Variants in ZNF423 observed in about 807,000 individuals in gnomAD.
ZNF423 encodes Ebf-associated zinc finger protein.
Under a neutral mutation model 95.8 loss-of-function variants are expected in ZNF423, and 12 were observed. The observed-to-expected ratio is 0.13, with a 90% CI of 0.08 to 0.20. ZNF423 has a LOEUF of 0.20. Among genes scored for constraint, ZNF423 ranks in the 10% least tolerant of loss-of-function variants. ZNF423 has a pLI of 1.00. For missense variants in ZNF423, 1,316 were observed against 1,737.1 expected (o/e 0.76, Z 4.31); for synonymous variants, 749 against 711.9 (o/e 1.05, Z -0.83).
At chr16:49,673,671 A>C (rs964001891) in intron 3 of ZNF423, among the ~76,000 whole-genome samples, 5 of 152,242 alleles carry the variant, frequency 3.3e-5, no homozygotes, top group African/African-American at 1.2e-4. Context: ...GTGTGCAAAC[A>C]CGTATGTATG....
intron 1 of ZNF423, chr16:49,854,735 G>C (rs992007488): frequency 1.0e-6 from 1 of 985,298 alleles, no homozygotes; most frequent in East Asian, 1.1e-4. Flanking sequence ...CTGCCGGCGC[G>C]CGGCCTTTCC....
At chr16:49,575,175 A>C (rs1384304194) in intron 5 of ZNF423, among the ~76,000 whole-genome samples, 1 of 152,174 alleles carries the variant, frequency 6.6e-6, no homozygotes, top group Non-Finnish European at 1.5e-5. Context: ...AGGAAAGTGG[A>C]TATGCTAAGA....
chr16:49,551,741 G>A (rs1049357040), intron 5 of ZNF423, among the ~76,000 whole-genome samples: 2 of 152,204 alleles, frequency 1.3e-5, no homozygotes, highest in East Asian at 3.9e-4. Flanking sequence ...GAGCCAGAGT[G>A]GGTGGGGGCT....
At chr16:49,804,226 C>T (rs2034627120) in intron 1 of ZNF423, among the ~76,000 whole-genome samples, 1 of 152,020 alleles carries the variant, frequency 6.6e-6, no homozygotes, top group South Asian at 2.1e-4. Flanking sequence ...TGAGGCACTG[C>T]GCCCCGCCTT....
At chr16:49,669,642 A>G (rs191147140) in intron 3 of ZNF423, among the ~76,000 whole-genome samples, 4 of 152,272 alleles carry the variant, frequency 2.6e-5, no homozygotes, top group Admixed American at 2.6e-4. Context: ...AAAGCCCAAA[A>G]CTTCCCTCTC....
chr16:49,641,635 A>AG, intron 3 of ZNF423, among the ~76,000 whole-genome samples: 2 of 152,344 alleles, frequency 1.3e-5, no homozygotes, highest in East Asian at 3.9e-4. Flanking sequence ...ACTCACTCAG[A>AG]GCCAGAGCCC....
chr16:49,757,796 TG>T (rs1185960950), intron 2 of ZNF423, among the ~76,000 whole-genome samples: 1 of 152,116 alleles, frequency 6.6e-6, no homozygotes, highest in African/African-American at 2.4e-5. Context: ...CCGTGGCAGG[TG>T]GGAGATTAAT....
chr16:49,749,316 T>C (rs1037576413), intron 2 of ZNF423, among the ~76,000 whole-genome samples: 3 of 152,226 alleles, frequency 2.0e-5, no homozygotes, highest in Non-Finnish European at 2.9e-5. Flanking sequence ...TTGACAGGGA[T>C]GCAGGGCGTG....
chr16:49,733,676 C>T (rs895229401), intron 2 of ZNF423, among the ~76,000 whole-genome samples: 1 of 152,168 alleles, frequency 6.6e-6, no homozygotes, highest in African/African-American at 2.4e-5. Context: ...CACAAAGGCG[C>T]GGACCTCATC....
chr16:49,800,303 G>A (rs908200120), intron 1 of ZNF423, among the ~76,000 whole-genome samples: 2 of 151,688 alleles, frequency 1.3e-5, no homozygotes, highest in Admixed American at 6.6e-5. Flanking sequence ...TGCCCAGACT[G>A]GTCTCAAACT....
intron 1 of ZNF423, among the ~76,000 whole-genome samples, chr16:49,824,057 T>C (rs2034978202): frequency 6.6e-6 from 1 of 152,166 alleles, no homozygotes; most frequent in East Asian, 1.9e-4. Context: ...CCAGCCTCGA[T>C]GACAGAGTGA....
At chr16:49,694,968 G>A (rs1055445329) in intron 3 of ZNF423, among the ~76,000 whole-genome samples, 1 of 152,206 alleles carries the variant, frequency 6.6e-6, no homozygotes, top group Non-Finnish European at 1.5e-5. Flanking sequence ...TGAGAGTGTG[G>A]TCCTCAGAGG....
intron 1 of ZNF423, among the ~76,000 whole-genome samples, chr16:49,813,909 C>T (rs2034794740): frequency 6.6e-6 from 1 of 152,218 alleles, no homozygotes; most frequent in African/African-American, 2.4e-5. Flanking sequence ...CCCCCCAACT[C>T]CTATAAATGC....
At chr16:49,650,826 T>C (rs371420252) in intron 3 of ZNF423, among the ~76,000 whole-genome samples, 1 of 152,192 alleles carries the variant, frequency 6.6e-6, no homozygotes, top group East Asian at 1.9e-4. Context: ...CCAGGGCTCT[T>C]AGCCAGCTGG....
chr16:49,704,651 T>C (rs1200073749), intron 3 of ZNF423, among the ~76,000 whole-genome samples: 1 of 152,136 alleles, frequency 6.6e-6, no homozygotes, highest in Non-Finnish European at 1.5e-5. Context: ...GTTCCCAGGC[T>C]CCAGTAGATC....
At chr16:49,683,192 C>G (rs2031436158) in intron 3 of ZNF423, among the ~76,000 whole-genome samples, 1 of 152,114 alleles carries the variant, frequency 6.6e-6, no homozygotes, top group Non-Finnish European at 1.5e-5. Flanking sequence ...TCAGCTCTCC[C>G]GTGTGGATCA....
intron 3 of ZNF423, among the ~76,000 whole-genome samples, chr16:49,660,777 C>G (rs1036373532): frequency 1.3e-5 from 2 of 150,786 alleles, no homozygotes; most frequent in Non-Finnish European, 3.0e-5. Context: ...CAGCCTCAGC[C>G]TGAATCCCAG....
intron 1 of ZNF423, among the ~76,000 whole-genome samples, chr16:49,806,956 G>A (rs1398507679): frequency 1.3e-5 from 2 of 151,484 alleles, no homozygotes; most frequent in African/African-American, 4.9e-5. Flanking sequence ...GAACCCGGGA[G>A]GTAGAGGTTG....
intron 3 of ZNF423, among the ~76,000 whole-genome samples, chr16:49,652,593 C>T (rs757048413): frequency 1.3e-5 from 2 of 152,186 alleles, no homozygotes; most frequent in Non-Finnish European, 2.9e-5. Flanking sequence ...AAGGAGTTGG[C>T]GCCTTGTGAA....
Sources: gnomAD v4.1 joint callset for allele counts (sites outside exome capture counted in the v4.1 genomes callset) on GRCh38, gnomAD v4.1.1 for gene constraint, MANE v1.5 for transcripts, NCBI Gene and HGNC (gene_info 2026-07-23, HGNC 2026-07-21) for gene names.